The following FAT3 variants were observed in gnomAD, a reference collection of about 807,000 sequenced individuals.
FAT3 encodes protocadherin Fat 3.
A neutral mutation model predicts 310.2 loss-of-function variants in FAT3; 95 were observed. That is an observed-to-expected ratio of 0.31 (90% CI 0.26 to 0.36). FAT3 has a LOEUF of 0.36. FAT3 is among the 10% of genes least tolerant of loss of function. The pLI, the probability that FAT3 is intolerant of heterozygous loss-of-function variation, is 1.00. For missense variants in FAT3, 5,408 were observed against 5,715.6 expected (o/e 0.95, Z 1.74); for synonymous variants, 2,314 against 2,192.9 (o/e 1.06, Z -1.54).
chr11:92,308,228 T>C (rs2134446887), intron 1 of FAT3, among the ~76,000 whole-genome samples: 1 of 152,304 alleles, frequency 6.6e-6, no homozygotes, highest in South Asian at 2.1e-4. Context: ...ACAGGTTGTT[T>C]GATTATCTGT....
At chr11:92,455,962 A>G (rs1951484056) in intron 2 of FAT3, among the ~76,000 whole-genome samples, 1 of 152,194 alleles carries the variant, frequency 6.6e-6, no homozygotes, top group South Asian at 2.1e-4. Context: ...AAATAGGTTG[A>G]GATAAGATAG....
At chr11:92,487,781 C>A (rs1385200107) in intron 2 of FAT3, among the ~76,000 whole-genome samples, 2 of 152,136 alleles carry the variant, frequency 1.3e-5, no homozygotes, top group African/African-American at 4.8e-5. Context: ...GTTCTTATGA[C>A]CCTACCTTCT....
chr11:92,789,630 C>T (rs1946985110), intron 7 of FAT3, among the ~76,000 whole-genome samples: 2 of 152,138 alleles, frequency 1.3e-5, no homozygotes, highest in African/African-American at 4.8e-5. Flanking sequence ...CTAAGGTCAT[C>T]TTGTGATCAT....
chr11:92,641,919 A>G (rs1294649330), intron 3 of FAT3, among the ~76,000 whole-genome samples: 3 of 152,252 alleles, frequency 2.0e-5, no homozygotes, highest in African/African-American at 4.8e-5. Flanking sequence ...ACCAATACCA[A>G]ATGCTACTGG....
chr11:92,559,992 A>G (rs1304938117), intron 3 of FAT3, among the ~76,000 whole-genome samples: 1 of 152,184 alleles, frequency 6.6e-6, no homozygotes, highest in Non-Finnish European at 1.5e-5. Flanking sequence ...TTGTTGGAGC[A>G]TATGGTTACT....
intron 22 of FAT3, among the ~76,000 whole-genome samples, chr11:92,879,381 A>C (rs1338437841): frequency 6.6e-6 from 1 of 152,228 alleles, no homozygotes; most frequent in Non-Finnish European, 1.5e-5. Context: ...AGCCAGTCAG[A>C]GGGCCTCAGG....
intron 2 of FAT3, among the ~76,000 whole-genome samples, chr11:92,442,100 TATA>T (rs1329804261): frequency 0.047 from 2,699 of 58,012 alleles, 518 homozygotes; most frequent in South Asian, 0.062. Flanking sequence ...TATATATATA[TATA>T]TATATATATT....
intron 2 of FAT3, among the ~76,000 whole-genome samples, chr11:92,413,148 T>C (rs946395986): frequency 1.3e-5 from 2 of 152,124 alleles, no homozygotes; most frequent in African/African-American, 4.8e-5. Context: ...TTTCCATAAT[T>C]TTGCCTTTTT....
At chr11:92,740,559 G>A (rs2852403) in intron 4 of FAT3, among the ~76,000 whole-genome samples, 37,239 of 152,020 alleles carry the variant, frequency 0.24, 5,678 homozygotes, top group African/African-American at 0.43. Context: ...TGTTAACTGG[G>A]AGTGGAGTGG....
At chr11:92,695,100 C>T (rs1176028150) in intron 3 of FAT3, among the ~76,000 whole-genome samples, 1 of 152,182 alleles carries the variant, frequency 6.6e-6, no homozygotes, top group Non-Finnish European at 1.5e-5. Context: ...CCCACACCCA[C>T]ACCCACTGAG....
intron 13 of FAT3, among the ~76,000 whole-genome samples, chr11:92,830,316 G>T (rs1948211085): frequency 6.6e-6 from 1 of 152,150 alleles, no homozygotes; most frequent in Non-Finnish European, 1.5e-5. Flanking sequence ...TAATTAATTG[G>T]TTGTTAATAG....
chr11:92,584,441 T>C (rs71473485), intron 3 of FAT3, among the ~76,000 whole-genome samples: 270 of 151,988 alleles, frequency 1.8e-3, no homozygotes, highest in Middle Eastern at 3.4e-3. Flanking sequence ...CTAATTCTGC[T>C]CCTGAAAGGT....
intron 13 of FAT3, among the ~76,000 whole-genome samples, chr11:92,814,598 G>A (rs1291976584): frequency 6.6e-6 from 1 of 152,146 alleles, no homozygotes; most frequent in African/African-American, 2.4e-5. Context: ...TATAAAAAAA[G>A]GGAAGTTAAA....
chr11:92,563,298 G>A (rs1955300950), intron 3 of FAT3, among the ~76,000 whole-genome samples: 1 of 152,092 alleles, frequency 6.6e-6, no homozygotes, highest in Admixed American at 6.6e-5. Context: ...TGAGTAAGAG[G>A]GAGGGACTGT....
At chr11:92,697,289 A>G in intron 3 of FAT3, 95 bp from the exon 4 acceptor site, 3 of 997,258 alleles carry the variant, frequency 3.0e-6, no homozygotes, top group Non-Finnish European at 4.7e-6. Context: ...GTTCCATACC[A>G]CTTTTGCTTT....
intron 3 of FAT3, among the ~76,000 whole-genome samples, chr11:92,615,238 A>G (rs927551995): frequency 6.6e-6 from 1 of 151,860 alleles, no homozygotes; most frequent in African/African-American, 2.4e-5. Context: ...TTTTCTTCTT[A>G]TTATTTTTAT....
chr11:92,764,299 G>A (rs987793888), intron 5 of FAT3, among the ~76,000 whole-genome samples: 2 of 152,072 alleles, frequency 1.3e-5, no homozygotes, highest in East Asian at 3.9e-4. Flanking sequence ...AAGGCAGCTA[G>A]CTCCAGGCTG....
chr11:92,653,056 G>A (rs1942445427), intron 3 of FAT3, among the ~76,000 whole-genome samples: 1 of 152,184 alleles, frequency 6.6e-6, no homozygotes, highest in African/African-American at 2.4e-5. Flanking sequence ...CTACTTGATA[G>A]CCTGAGGCAG....
At chr11:92,457,109 C>T (rs1462079281) in intron 2 of FAT3, among the ~76,000 whole-genome samples, 1 of 152,078 alleles carries the variant, frequency 6.6e-6, no homozygotes, top group African/African-American at 2.4e-5. Flanking sequence ...CCTGTAGGTC[C>T]TGTGGATGAA....
Sources: allele counts gnomAD v4.1 joint callset (sites outside exome capture counted in the v4.1 genomes callset), GRCh38; gene constraint gnomAD v4.1.1; transcripts MANE v1.5; gene names NCBI Gene and HGNC (gene_info 2026-07-23, HGNC 2026-07-21).